The following NPAS3 variants were observed in gnomAD, a reference collection of about 807,000 sequenced individuals.
NPAS3 encodes the protein neuronal PAS domain protein 3.
NPAS3 carries 14 observed loss-of-function variants against 73.1 expected under a neutral mutation model. The ratio of observed to expected loss-of-function variants is 0.19; its 90% confidence interval spans 0.13 to 0.30. The LOEUF (loss-of-function observed/expected upper bound fraction) is 0.30, where lower values mean the gene tolerates loss of function less well. Ranked by LOEUF, NPAS3 falls within the 10% of genes least tolerant of loss-of-function variation. The pLI is 1.00. For synonymous variants in NPAS3, 620 were observed against 541.5 expected (o/e 1.14, Z -2.01); for missense variants, 1,096 against 1,250.0 (o/e 0.88, Z 1.86).
intron 7 of NPAS3, among the ~76,000 whole-genome samples, chr14:33,741,102 A>T (rs2061644935): frequency 1.3e-5 from 2 of 152,160 alleles, no homozygotes; most frequent in Non-Finnish European, 2.9e-5. Context: ...CTCATCAGCT[A>T]GGAGTCTCCT....
At chr14:33,620,033 T>A (rs1222604024) in intron 5 of NPAS3, among the ~76,000 whole-genome samples, 3 of 152,226 alleles carry the variant, frequency 2.0e-5, no homozygotes, top group Non-Finnish European at 4.4e-5. Flanking sequence ...GGTGTTTATT[T>A]TAATTGATCT....
intron 5 of NPAS3, among the ~76,000 whole-genome samples, chr14:33,674,514 G>A (rs138098671): frequency 3.2e-4 from 49 of 152,264 alleles, no homozygotes; most frequent in African/African-American, 1.1e-3. Context: ...ATTACTGTGT[G>A]AAGTGCTTAG....
At chr14:33,060,261 T>C (rs2041047957) in intron 2 of NPAS3, among the ~76,000 whole-genome samples, 1 of 152,196 alleles carries the variant, frequency 6.6e-6, no homozygotes, top group Non-Finnish European at 1.5e-5. Context: ...GCCATATAGT[T>C]GGACACTGCC....
At chr14:33,148,995 C>T (rs1196758706) in intron 2 of NPAS3, among the ~76,000 whole-genome samples, 1 of 152,128 alleles carries the variant, frequency 6.6e-6, no homozygotes, top group Non-Finnish European at 1.5e-5. Flanking sequence ...CGGGCCTGGC[C>T]TGGCCTTGCA....
chr14:33,050,681 A>G (rs935383208), intron 1 of NPAS3, among the ~76,000 whole-genome samples: 3 of 152,266 alleles, frequency 2.0e-5, no homozygotes, highest in Non-Finnish European at 4.4e-5. Flanking sequence ...ATCTACAAGA[A>G]GAATGAAAGC....
At chr14:33,758,902 T>TA (rs1212446999) in intron 7 of NPAS3, among the ~76,000 whole-genome samples, 3 of 152,236 alleles carry the variant, frequency 2.0e-5, no homozygotes, top group Admixed American at 6.5e-5. Flanking sequence ...GGCATGTTGG[T>TA]AAAAGAAAAT....
chr14:33,778,156 T>C (rs915239312), intron 8 of NPAS3, among the ~76,000 whole-genome samples: 1 of 152,222 alleles, frequency 6.6e-6, no homozygotes, highest in Non-Finnish European at 1.5e-5. Context: ...GGATCTTGCA[T>C]TGTTACTGAT....
rs185973332 is a variant in NPAS3 at position 33,041,740 on chromosome 14, C to T, written c.51-14165C>T. On this transcript the variant is annotated intron_variant, in intron 1 of 11. Transcript: ENST00000356141. ...TGAGAGATCAGCCTCAAATCTGTCTCCTCAACACACTAAACTTACAGGTTT... is the reference window on the plus strand; with the variant it reads ...TGAGAGATCAGCCTCAAATCTGTCTTCTCAACACACTAAACTTACAGGTTT... Among the ~76,000 whole-genome samples the T allele has an allele frequency of 1.6e-3, 250 of 152,202 alleles. 1 individual carries two copies. The highest frequency in any genetic ancestry group is 5.6e-3 in the African/African-American group (234 of 41,522).
chr14:33,390,342 C>G (rs1880596186), intron 4 of NPAS3, among the ~76,000 whole-genome samples: 3 of 152,032 alleles, frequency 2.0e-5, no homozygotes, highest in Admixed American at 1.3e-4. Flanking sequence ...AGTGCTGCCT[C>G]CCTGCCAAAA....
At chr14:33,498,715 T>TA (rs2139886629) in intron 4 of NPAS3, among the ~76,000 whole-genome samples, 1 of 111,326 alleles carries the variant, frequency 9.0e-6, no homozygotes, top group East Asian at 2.8e-4. Flanking sequence ...GGGAAGGGGT[T>TA]AGGAGAAATA....
intron 3 of NPAS3, among the ~76,000 whole-genome samples, chr14:33,267,253 C>T (rs913190265): frequency 6.6e-6 from 1 of 152,116 alleles, no homozygotes; most frequent in African/African-American, 2.4e-5. Context: ...TTGCTTCCAG[C>T]TCATTGTACT....
In NPAS3 at chr14:33,102,963, C is replaced by T. The variant is rs556263536; in HGVS notation, c.140+46969C>T. On this transcript the variant is annotated intron_variant, in intron 2 of 11. Coordinates refer to ENST00000356141, the Ensembl canonical transcript of NPAS3. Reference sequence around the variant, plus strand: ...GGAGAACTATTACCTTACAGTATAGCAGTCTGCAGGCATTTAGTAAGTGTC... The same window carrying T: ...GGAGAACTATTACCTTACAGTATAGTAGTCTGCAGGCATTTAGTAAGTGTC... Among the ~76,000 whole-genome samples, 6 of 152,274 alleles carry T rather than the reference C, an allele frequency of 3.9e-5. No individual in the cohort carries two copies. In the South Asian group the frequency reaches 1.2e-3, roughly 32 times the overall value.
intron 4 of NPAS3, among the ~76,000 whole-genome samples, chr14:33,402,330 G>T (rs1261231073): frequency 2.0e-5 from 3 of 152,108 alleles, no homozygotes; most frequent in East Asian, 3.9e-4. Flanking sequence ...TCTCTTCAGT[G>T]TCAAAGTGAG....
chr14:33,349,251 T>A (rs1358166586), intron 3 of NPAS3, among the ~76,000 whole-genome samples: 1 of 152,230 alleles, frequency 6.6e-6, no homozygotes, highest in East Asian at 1.9e-4. Flanking sequence ...TCCTAGCCTA[T>A]TTATACTGTT....
chr14:33,700,081 G>T (rs1303484512), intron 6 of NPAS3, among the ~76,000 whole-genome samples: 1 of 152,078 alleles, frequency 6.6e-6, no homozygotes, highest in Non-Finnish European at 1.5e-5. Flanking sequence ...TTGTTTGGGG[G>T]TTTGGCTTGT....
At chr14:33,527,183 C>T (rs1214148700) in intron 4 of NPAS3, among the ~76,000 whole-genome samples, 2 of 152,154 alleles carry the variant, frequency 1.3e-5, no homozygotes, top group African/African-American at 2.4e-5. Context: ...ATCCACTCTC[C>T]GTCTTCCCTA....
chr14:33,008,528 G>A (rs1183152797), intron 1 of NPAS3, among the ~76,000 whole-genome samples: 1 of 152,094 alleles, frequency 6.6e-6, no homozygotes, highest in African/African-American at 2.4e-5. Flanking sequence ...GTGAAATCAC[G>A]AAATTTAAAA....
chr14:33,500,462 T>C (rs1435053787), intron 4 of NPAS3, among the ~76,000 whole-genome samples: 1 of 151,838 alleles, frequency 6.6e-6, no homozygotes. Context: ...CTGCTACAGA[T>C]GAATCGGGTG....
At chr14:33,143,964 T>A (rs1204009790) in intron 2 of NPAS3, among the ~76,000 whole-genome samples, 1 of 152,244 alleles carries the variant, frequency 6.6e-6, no homozygotes, top group Non-Finnish European at 1.5e-5. Context: ...TATCTGTTGC[T>A]GGATATTTGA....
Sources: gnomAD v4.1 joint callset for allele counts (sites outside exome capture counted in the v4.1 genomes callset) on GRCh38, gnomAD v4.1.1 for gene constraint, MANE v1.5 for transcripts, NCBI Gene and HGNC (gene_info 2026-07-23, HGNC 2026-07-21) for gene names.